TNFRSF21: variants seen among roughly 807,000 people sequenced by gnomAD.
TNFRSF21 encodes the protein TNF receptor superfamily member 21, also known as tumor necrosis factor receptor superfamily member 21.
A neutral mutation model predicts 45.6 loss-of-function variants in TNFRSF21; 19 were observed. The ratio of observed to expected loss-of-function variants is 0.42; its 90% CI spans 0.29 to 0.61. The LOEUF is 0.61. TNFRSF21 is among the 20% of genes least tolerant of loss of function. TNFRSF21 has a pLI of 0.23. For synonymous variants in TNFRSF21, 314 were observed against 335.5 expected (o/e 0.94, Z 0.70); for missense variants, 737 against 851.5 (o/e 0.87, Z 1.67).
At chr6:47,301,879 C>T (rs914059708) in intron 1 of TNFRSF21, among the ~76,000 whole-genome samples, 24 of 152,116 alleles carry the variant, frequency 1.6e-4, no homozygotes, top group African/African-American at 4.8e-4. Flanking sequence ...CATCGCAAAA[C>T]GGATTAACAA....
At chr6:47,254,395 C>A (rs549706194) in intron 3 of TNFRSF21, among the ~76,000 whole-genome samples, 1 of 152,100 alleles carries the variant, frequency 6.6e-6, no homozygotes, top group African/African-American at 2.4e-5. Flanking sequence ...TTAGTATTTT[C>A]GGACCACAGT....
At chr6:47,295,925 G>C (rs1174877248) in intron 1 of TNFRSF21, among the ~76,000 whole-genome samples, 1 of 152,172 alleles carries the variant, frequency 6.6e-6, no homozygotes, top group South Asian at 2.1e-4. Flanking sequence ...GCAAGCTCAG[G>C]GGACACTGGA....
At position 47,288,912 on chromosome 6, in the gene TNFRSF21, G is replaced by A. The variant is rs149120537; in HGVS notation, c.97-2317C>T. Among the ~76,000 whole-genome samples, 143 of 152,318 alleles carry A rather than the reference G, an allele frequency of 9.4e-4. 1 individual carries two copies. The highest frequency in any genetic ancestry group is 2.9e-3 in the African/African-American group (121 of 41,568). Reference sequence around the variant, plus strand: ...CTCAGCCTTTGAAGACCATAGCTACGAAAGCATGGGCCTGCAGCCACCCAG... The same window carrying A: ...CTCAGCCTTTGAAGACCATAGCTACAAAAGCATGGGCCTGCAGCCACCCAG... On this transcript the variant is annotated intron_variant, in intron 1 of 5. Transcript: ENST00000296861.
At chr6:47,257,234 A>G (rs886188598) in intron 3 of TNFRSF21, among the ~76,000 whole-genome samples, 1 of 152,176 alleles carries the variant, frequency 6.6e-6, no homozygotes, top group African/African-American at 2.4e-5. Flanking sequence ...AAAAAGAAAA[A>G]AAAACCCACA....
At chr6:47,278,898 A>G (rs1762531971) in intron 3 of TNFRSF21, among the ~76,000 whole-genome samples, 2 of 152,224 alleles carry the variant, frequency 1.3e-5, no homozygotes, top group Non-Finnish European at 1.5e-5. Flanking sequence ...GTGAAGTGGG[A>G]TCACTGTCTC....
intron 1 of TNFRSF21, among the ~76,000 whole-genome samples, chr6:47,288,486 C>A (rs1336296103): frequency 6.6e-6 from 1 of 151,420 alleles, no homozygotes; most frequent in East Asian, 1.9e-4. Context: ...TGTCACAGAT[C>A]GTTGAGCTGT....
chr6:47,270,852 G>A (rs919006299), intron 3 of TNFRSF21, among the ~76,000 whole-genome samples: 2 of 152,144 alleles, frequency 1.3e-5, no homozygotes, highest in African/African-American at 2.4e-5. Flanking sequence ...ACCATGGCAC[G>A]AGAACTTCGA....
chr6:47,274,600 AC>A (rs1487854080), intron 3 of TNFRSF21, among the ~76,000 whole-genome samples: 2 of 152,188 alleles, frequency 1.3e-5, no homozygotes, highest in African/African-American at 4.8e-5. Context: ...TGACTAAAAC[AC>A]CAAAAGCAAT....
At chr6:47,301,560 T>C (rs1267323414) in intron 1 of TNFRSF21, among the ~76,000 whole-genome samples, 2 of 152,142 alleles carry the variant, frequency 1.3e-5, no homozygotes, top group African/African-American at 4.8e-5. Flanking sequence ...CGGGAGGTGT[T>C]TGGGTCATGA....
chr6:47,253,231 T>C (rs1764928245), intron 4 of TNFRSF21, 25 bp downstream of exon 4: 1 of 1,606,690 alleles, frequency 6.2e-7, no homozygotes, highest in African/African-American at 1.3e-5. Flanking sequence ...TCGGTGGTAA[T>C]GACACACAAC....
chr6:47,272,610 A>G (rs1385130803), intron 3 of TNFRSF21, among the ~76,000 whole-genome samples: 6 of 152,230 alleles, frequency 3.9e-5, no homozygotes, highest in African/African-American at 1.4e-4. Flanking sequence ...AAAGAACTAG[A>G]GAAGCAAGAG....
intron 1 of TNFRSF21, among the ~76,000 whole-genome samples, chr6:47,307,494 T>C (rs1762956204): frequency 6.6e-6 from 1 of 152,060 alleles, no homozygotes; most frequent in African/African-American, 2.4e-5. Context: ...TCCTCCCACC[T>C]CAGCCTCCTG....
chr6:47,297,266 C>A (rs932022132), intron 1 of TNFRSF21, among the ~76,000 whole-genome samples: 1 of 152,040 alleles, frequency 6.6e-6, no homozygotes, highest in Non-Finnish European at 1.5e-5. Flanking sequence ...TGTGTCTCTG[C>A]CTCCTCATTA....
chr6:47,271,841 C>CA (rs1491171891), intron 3 of TNFRSF21, among the ~76,000 whole-genome samples: 62 of 148,008 alleles, frequency 4.2e-4, no homozygotes, highest in African/African-American at 1.5e-3. Flanking sequence ...AAATGGAAAG[C>CA]AAAAAAAAAG....
At chr6:47,243,997 C>T (rs1764786468) in intron 4 of TNFRSF21, among the ~76,000 whole-genome samples, 1 of 152,196 alleles carries the variant, frequency 6.6e-6, no homozygotes, top group African/African-American at 2.4e-5. Context: ...GGTCTCCATG[C>T]CAGCCTGAGA....
chr6:47,260,275 G>T (rs1372388051), intron 3 of TNFRSF21, among the ~76,000 whole-genome samples: 2 of 150,354 alleles, frequency 1.3e-5, no homozygotes, highest in African/African-American at 5.0e-5. Flanking sequence ...CCACAGGAGG[G>T]TTTATGTGGA....
intron 4 of TNFRSF21, among the ~76,000 whole-genome samples, chr6:47,242,487 C>A (rs1764759261): frequency 6.6e-6 from 1 of 152,174 alleles, no homozygotes; most frequent in Non-Finnish European, 1.5e-5. Flanking sequence ...CCATTTAAGT[C>A]AAAGTGTCAA....
intron 3 of TNFRSF21, among the ~76,000 whole-genome samples, chr6:47,270,766 G>GA (rs142782616): frequency 6.6e-6 from 1 of 151,734 alleles, no homozygotes; most frequent in African/African-American, 2.4e-5. Context: ...TAAAAACCTT[G>GA]AAAAAAAAGT....
At chr6:47,302,345 G>C (rs976246350) in intron 1 of TNFRSF21, among the ~76,000 whole-genome samples, 1 of 152,170 alleles carries the variant, frequency 6.6e-6, no homozygotes, top group Non-Finnish European at 1.5e-5. Context: ...TAGGCTGACA[G>C]CAAAGAAAAC....
Sources: gnomAD v4.1 joint callset for allele counts (sites outside exome capture counted in the v4.1 genomes callset) on GRCh38, gnomAD v4.1.1 for gene constraint, MANE v1.5 for transcripts, NCBI Gene and HGNC (gene_info 2026-07-23, HGNC 2026-07-21) for gene names.